GPM6A: variants seen among roughly 807,000 people sequenced by gnomAD.
GPM6A encodes glycoprotein M6A.
Under a neutral mutation model 32.1 loss-of-function variants are expected in GPM6A, and 7 were observed. That is an observed-to-expected ratio of 0.22 (90% confidence interval 0.12 to 0.41). GPM6A has a LOEUF of 0.41. Among genes scored for constraint, GPM6A ranks in the 10% least tolerant of loss-of-function variants. GPM6A has a pLI of 1.00. For missense variants in GPM6A, 235 were observed against 347.2 expected (o/e 0.68, Z 2.57); for synonymous variants, 130 against 123.4 (o/e 1.05, Z -0.35).
At position 175,936,187 on chromosome 4, in the gene GPM6A, T is replaced by C. The variant is rs574200401; in HGVS notation, c.-23+66122A>G. 3.3e-5 allele frequency among the ~76,000 whole-genome samples: 5 copies of C among 150,756 alleles called. No individual in the cohort carries two copies. The East Asian group carries it at 9.8e-4, about 30-fold the overall frequency. On this transcript the variant is annotated intron_variant, in intron 1 of 7. Coordinates refer to the GPM6A transcript ENST00000280187. ...TGGGCTTGGTGGCGGGCGCCTGTAG[T>C]TCCAGCTACTCGGGAGGCTGAGGCA...
Position 175,934,039 on chromosome 4 carries a change from T to C in GPM6A, c.-23+68270A>G, listed in dbSNP as rs375729281. On this transcript the variant is annotated intron_variant, in intron 1 of 7. Coordinates refer to the GPM6A transcript ENST00000280187. ...GTAAAAGAAACCACATATCAAAAGT[T>C]ACATCCATTTATATTAAATTCTACA... Among the ~76,000 whole-genome samples, 184 of 152,348 alleles carry C rather than the reference T, an allele frequency of 1.2e-3. 4 individuals are homozygous for C. In the South Asian group the frequency reaches 0.037, roughly 31 times the overall value.
chr4:175,935,708 A>C (rs1436296422), intron 1 of GPM6A, among the ~76,000 whole-genome samples: 1 of 152,132 alleles, frequency 6.6e-6, no homozygotes, highest in Non-Finnish European at 1.5e-5. Flanking sequence ...TAATATAAAG[A>C]TATCAGTTCT....
intron 1 of GPM6A, among the ~76,000 whole-genome samples, chr4:175,931,711 T>C (rs4047970): frequency 0.61 from 79,776 of 130,976 alleles, 23,746 homozygotes; most frequent in Admixed American, 0.7. Context: ...CACACACACA[T>C]ATATATATAT....
intron 1 of GPM6A, among the ~76,000 whole-genome samples, chr4:175,791,033 A>T (rs572797230): frequency 5.3e-5 from 8 of 152,284 alleles, no homozygotes; most frequent in Non-Finnish European, 2.9e-5. Flanking sequence ...AATAAATACA[A>T]TATGAATGTA....
At chr4:175,969,390 C>A (rs1740431001) in intron 1 of GPM6A, among the ~76,000 whole-genome samples, 1 of 151,952 alleles carries the variant, frequency 6.6e-6, no homozygotes. Flanking sequence ...TTGATTGACC[C>A]CAAATGTAAA....
chr4:175,869,142 G>T (rs1222907054), intron 1 of GPM6A, among the ~76,000 whole-genome samples: 2 of 152,040 alleles, frequency 1.3e-5, no homozygotes, highest in Admixed American at 6.5e-5. Context: ...GATTTCCAAA[G>T]CTACTCTCAA....
chr4:175,969,627 C>T (rs1311389066), intron 1 of GPM6A, among the ~76,000 whole-genome samples: 1 of 152,142 alleles, frequency 6.6e-6, no homozygotes, highest in Non-Finnish European at 1.5e-5. Flanking sequence ...AGGAGAATCT[C>T]TTGAACCCGG....
chr4:175,826,653 G>A (rs1735448729), intron 1 of GPM6A, among the ~76,000 whole-genome samples: 1 of 152,118 alleles, frequency 6.6e-6, no homozygotes. Context: ...CATGCAATTT[G>A]TGCAGTGAAA....
intron 4 of GPM6A, among the ~76,000 whole-genome samples, chr4:175,645,186 G>C (rs1369226246): frequency 6.6e-6 from 1 of 152,152 alleles, no homozygotes; most frequent in Non-Finnish European, 1.5e-5. Context: ...GGGAGGACTT[G>C]ATGCATGAAA....
intron 1 of GPM6A, among the ~76,000 whole-genome samples, chr4:175,930,635 C>T (rs1560999085): frequency 6.6e-6 from 1 of 151,668 alleles, no homozygotes; most frequent in Non-Finnish European, 1.5e-5. Context: ...CATTTTAATC[C>T]CTTTGAATTC....
chr4:175,820,871 T>C (rs1735258675), intron 1 of GPM6A, among the ~76,000 whole-genome samples: 1 of 152,242 alleles, frequency 6.6e-6, no homozygotes, highest in Admixed American at 6.5e-5. Context: ...TTCCTCAATC[T>C]TTTAATGTAT....
At chr4:175,774,624 A>T (rs1041282588) in intron 1 of GPM6A, among the ~76,000 whole-genome samples, 1 of 152,088 alleles carries the variant, frequency 6.6e-6, no homozygotes, top group African/African-American at 2.4e-5. Flanking sequence ...TAAGTCATGA[A>T]TTTCACAAAT....
At chr4:175,733,261 C>T (rs534419585) in intron 1 of GPM6A, among the ~76,000 whole-genome samples, 236 of 152,162 alleles carry the variant, frequency 1.6e-3, no homozygotes, top group African/African-American at 5.4e-3. Flanking sequence ...CCCAGCACTT[C>T]GGGAGGCTGA....
chr4:175,798,626 A>G (rs1734332045), intron 1 of GPM6A: 1 of 152,174 alleles, frequency 6.6e-6, no homozygotes, highest in Non-Finnish European at 1.5e-5. Context: ...TCTAATTATT[A>G]TATTTCTTGG....
intron 1 of GPM6A, among the ~76,000 whole-genome samples, chr4:175,892,795 C>T (rs1028466471): frequency 4.4e-4 from 67 of 152,322 alleles, no homozygotes; most frequent in African/African-American, 1.5e-3. Context: ...CTTCCTCTTG[C>T]TAAACTCAAT....
chr4:175,922,129 T>A (rs1452740870), intron 1 of GPM6A, among the ~76,000 whole-genome samples: 1 of 152,148 alleles, frequency 6.6e-6, no homozygotes, highest in Non-Finnish European at 1.5e-5. Context: ...TTCTAATACA[T>A]CAGGATTAAT....
chr4:175,982,660 AG>A (rs1342402810), intron 1 of GPM6A, among the ~76,000 whole-genome samples: 1 of 152,144 alleles, frequency 6.6e-6, no homozygotes, highest in African/African-American at 2.4e-5. Context: ...CTGTAGAATA[AG>A]TCTTAAAATG....
intron 1 of GPM6A, among the ~76,000 whole-genome samples, chr4:175,985,622 C>T (rs1740950654): frequency 6.6e-6 from 1 of 152,116 alleles, no homozygotes; most frequent in Admixed American, 6.5e-5. Flanking sequence ...GAGTGAGTGT[C>T]CTTTTCCTGT....
intron 1 of GPM6A, among the ~76,000 whole-genome samples, chr4:175,786,657 T>C (rs1353534074): frequency 6.6e-6 from 1 of 152,144 alleles, no homozygotes; most frequent in Non-Finnish European, 1.5e-5. Flanking sequence ...TCAGAACTAA[T>C]ATGATATGTG....
Sources: gnomAD v4.1 joint callset for allele counts (sites outside exome capture counted in the v4.1 genomes callset) on GRCh38, gnomAD v4.1.1 for gene constraint, MANE v1.5 for transcripts, NCBI Gene and HGNC (gene_info 2026-07-23, HGNC 2026-07-21) for gene names.